Variants in PLEKHG1 observed in about 807,000 individuals in gnomAD.
PLEKHG1 encodes the protein pleckstrin homology and RhoGEF domain containing G1, also known as pleckstrin homology domain-containing family G member 1.
A neutral mutation model predicts 100.8 loss-of-function variants in PLEKHG1; 44 were observed. That is an observed-to-expected ratio of 0.44 (90% CI 0.34 to 0.56). The LOEUF (loss-of-function observed/expected upper bound fraction) is 0.56, where lower values mean the gene tolerates loss of function less well. Ranked by LOEUF, PLEKHG1 falls within the 20% of genes least tolerant of loss-of-function variation. The probability of loss-of-function intolerance (pLI) is 0.01; values close to 1 mark genes in which losing one functional copy is unlikely to be tolerated. For missense variants in PLEKHG1, 1,545 were observed against 1,720.9 expected (o/e 0.90, Z 1.81); for synonymous variants, 640 against 662.5 (o/e 0.97, Z 0.52).
chr6:150,734,321 C>T (rs1782452499), intron 2 of PLEKHG1, among the ~76,000 whole-genome samples: 1 of 152,196 alleles, frequency 6.6e-6, no homozygotes, highest in Admixed American at 6.5e-5. Flanking sequence ...AATGATGATA[C>T]AGTACCCATA....
intron 1 of PLEKHG1, among the ~76,000 whole-genome samples, chr6:150,609,109 G>A (rs1288261923): frequency 2.0e-5 from 3 of 152,176 alleles, no homozygotes; most frequent in African/African-American, 7.2e-5. Context: ...AGGGGGCAAA[G>A]GGAACACATT....
intron 3 of PLEKHG1, among the ~76,000 whole-genome samples, chr6:150,715,394 A>G (rs1407877743): frequency 1.3e-5 from 2 of 152,162 alleles, no homozygotes; most frequent in African/African-American, 4.8e-5. Context: ...TACAGGAGGA[A>G]GGTCAGCGTG....
intron 3 of PLEKHG1, among the ~76,000 whole-genome samples, chr6:150,691,060 A>C (rs902839293): frequency 1.3e-5 from 2 of 152,266 alleles, no homozygotes; most frequent in Non-Finnish European, 2.9e-5. Flanking sequence ...CAGAGTTGGC[A>C]CACAGTGAAT....
intron 14 of PLEKHG1, among the ~76,000 whole-genome samples, chr6:150,830,328 CAGTT>C (rs949996752): frequency 6.6e-5 from 10 of 152,140 alleles, no homozygotes; most frequent in African/African-American, 2.2e-4. Context: ...CTTTTCAAGT[CAGTT>C]AAACACTCAG....
rs1028997015 is a variant in PLEKHG1, at chr6:150,701,835, A to G, written c.-98-31749A>G. On this transcript the variant is annotated intron_variant, in intron 3 of 3. Transcript: ENST00000367326. ...CTTTTGAAGCTTGTCTATCCATAAT[A>G]GGAAGTAAATTAATATGAATGGGTG... Among the ~76,000 whole-genome samples the G allele has an allele frequency of 3.3e-5, 5 of 152,296 alleles. No individual in the cohort carries two copies. The South Asian group carries it at 1.0e-3, about 32-fold the overall frequency.
intron 1 of PLEKHG1, among the ~76,000 whole-genome samples, chr6:150,601,491 T>C (rs1415270166): frequency 6.6e-6 from 1 of 152,164 alleles, no homozygotes; most frequent in Non-Finnish European, 1.5e-5. Flanking sequence ...TGGTCTACAA[T>C]ATTTAAGACA....
intron 3 of PLEKHG1, among the ~76,000 whole-genome samples, chr6:150,779,344 G>GTTTGTTTTTTTTTGTTTT (rs1257363893): frequency 9.6e-6 from 1 of 104,536 alleles, no homozygotes; most frequent in Non-Finnish European, 1.8e-5. Flanking sequence ...TTGTCAAGAA[G>GTTTGTTTTTTTTTGTTTT]TTTTTTTTTT....
At position 150,702,557 on chromosome 6, in the gene PLEKHG1, GGTGTGT is replaced by G. The variant is rs56768740; in HGVS notation, c.-98-30998_-98-30993del. ...AGCAGTACTTCTCATTTTGTTTTGG[GGTGTGT>G]GTGTGTGTGTGTGTGTGTGTGTGTG... On this transcript the variant is annotated intron_variant, in intron 3 of 3. Transcript: ENST00000367326. Among the ~76,000 whole-genome samples, 285 of 142,918 alleles carry G rather than the reference GGTGTGT, an allele frequency of 2.0e-3. 2 individuals carry two copies. The highest frequency in any genetic ancestry group is 6.9e-3 in the African/African-American group (261 of 37,648). 93.8% of individuals were successfully genotyped at this position (142,918 alleles called of 152,430 possible).
At chr6:150,795,803 A>G in intron 4 of PLEKHG1, 53 bp from the exon 6 acceptor site, 1 of 980,374 alleles carries the variant, frequency 1.0e-6, no homozygotes. Flanking sequence ...TTTCAAATGA[A>G]TGTTTATGTT....
chr6:150,610,480 A>C (rs974505140), intron 1 of PLEKHG1, among the ~76,000 whole-genome samples: 7 of 152,240 alleles, frequency 4.6e-5, no homozygotes, highest in South Asian at 2.1e-4. Flanking sequence ...AAGCTCCTTG[A>C]TAGCAAGCAT....
chr6:150,832,871 T>C (rs1272415201), intron 15 of PLEKHG1, among the ~76,000 whole-genome samples: 1 of 151,294 alleles, frequency 6.6e-6, no homozygotes, highest in Non-Finnish European at 1.5e-5. Context: ...AGAGAAGGGG[T>C]TTCACCATGT....
At chr6:150,623,708 A>C (rs1320252261) in intron 1 of PLEKHG1, among the ~76,000 whole-genome samples, 1 of 152,192 alleles carries the variant, frequency 6.6e-6, no homozygotes, top group Non-Finnish European at 1.5e-5. Context: ...TTTGGATCGC[A>C]TGGCCTTGCC....
chr6:150,699,022 T>C (rs1285853102), intron 3 of PLEKHG1, among the ~76,000 whole-genome samples: 1 of 152,220 alleles, frequency 6.6e-6, no homozygotes, highest in Non-Finnish European at 1.5e-5. Context: ...TTTGTTGCTT[T>C]TACATTACCT....
At chr6:150,771,453 G>A (rs554728721) in intron 3 of PLEKHG1, among the ~76,000 whole-genome samples, 22 of 152,214 alleles carry the variant, frequency 1.4e-4, no homozygotes, top group Non-Finnish European at 3.2e-4. Flanking sequence ...ACGAACGAAC[G>A]AGTTGGCAAG....
intron 4 of PLEKHG1, among the ~76,000 whole-genome samples, chr6:150,790,050 C>T (rs924521832): frequency 1.3e-5 from 2 of 151,952 alleles, no homozygotes; most frequent in Non-Finnish European, 2.9e-5. Context: ...TACAGAGTTT[C>T]GCTCTTGTCA....
At chr6:150,625,629 A>G (rs935539369) in intron 1 of PLEKHG1, 15 of 152,018 alleles carry the variant, frequency 9.9e-5, no homozygotes, top group African/African-American at 2.9e-4. Flanking sequence ...AGTAGCTGGG[A>G]TTACAGGCAT....
intron 3 of PLEKHG1, among the ~76,000 whole-genome samples, chr6:150,674,634 T>TCTCTCTCA (rs1779684585): frequency 1.5e-5 from 1 of 68,596 alleles, no homozygotes; most frequent in Non-Finnish European, 3.1e-5. Context: ...CTCTCCTCCC[T>TCTCTCTCA]CTCTCTCTCT....
chr6:150,756,621 A>T (rs758963696), intron 2 of PLEKHG1, among the ~76,000 whole-genome samples: 1 of 152,198 alleles, frequency 6.6e-6, no homozygotes, highest in Non-Finnish European at 1.5e-5. Context: ...TTTGAGGGGC[A>T]TTACCAATCT....
chr6:150,703,376 A>G (rs2128600320), intron 3 of PLEKHG1, among the ~76,000 whole-genome samples: 1 of 152,268 alleles, frequency 6.6e-6, no homozygotes, highest in East Asian at 1.9e-4. Flanking sequence ...TGAGGCAGGC[A>G]GATCGCTTGA....
Sources: allele counts gnomAD v4.1 joint callset (sites outside exome capture counted in the v4.1 genomes callset), GRCh38; gene constraint gnomAD v4.1.1; transcripts MANE v1.5; gene names NCBI Gene and HGNC (gene_info 2026-07-23, HGNC 2026-07-21).